TSSK3: variants seen among roughly 807,000 people sequenced by gnomAD.
The protein encoded by TSSK3 is testis-specific serine/threonine-protein kinase 3.
TSSK3 carries 16 observed loss-of-function variants against 18.9 expected under a neutral mutation model. The ratio of observed to expected loss-of-function variants is 0.85; its 90% confidence interval spans 0.57 to 1.28. The LOEUF (loss-of-function observed/expected upper bound fraction) is 1.28, where lower values mean the gene tolerates loss of function less well. Ranked by LOEUF, TSSK3 falls within the 50% of genes most tolerant of loss-of-function variation. The probability of loss-of-function intolerance (pLI) is 0.00; values close to 1 mark genes in which losing one functional copy is unlikely to be tolerated. For missense variants in TSSK3, 345 were observed against 341.0 expected (o/e 1.01, Z -0.09); for synonymous variants, 146 against 133.9 (o/e 1.09, Z -0.62).
rs770319759 is a variant in TSSK3, at chr1:32,364,083, G to A, written c.634G>A (p.Asp212Asn). ...VMLCASLPFD[D>N]TDIPKMLWQQ... ...GCTCTGTGCCAGCCTACCTTTTGACGACACAGACATCCCCAAGATGCTGTG... is the reference window on the plus strand; with the variant it reads ...GCTCTGTGCCAGCCTACCTTTTGACAACACAGACATCCCCAAGATGCTGTG... The change falls in exon 2 of 2, where the codon GAC (aspartate) becomes AAC (asparagine). Residue 212 changes from aspartate (D) to asparagine (N), a missense_variant. By Grantham distance (23) the Asp-to-Asn change is conservative. Coordinates refer to ENST00000373534, the MANE Select transcript of TSSK3 (RefSeq NM_052841.4). 6.2e-6 allele frequency: 10 copies of A among 1,614,110 alleles called. No individual in the cohort carries two copies. Among genetic ancestry groups the A allele is most frequent in the Admixed American group, 5.0e-5 (3 of 60,006 alleles).
rs1364924901 is a variant in TSSK3 at position 32,363,831 on chromosome 1, T to C, written c.382T>C (p.Cys128Arg). 1 of 1,614,072 alleles carries C rather than the reference T, an allele frequency of 6.2e-7. No homozygotes were observed. The highest frequency in any genetic ancestry group is 8.5e-7 in the Non-Finnish European group (1 of 1,180,046). The stretch of plus-strand genomic sequence containing the variant: ...TGAGGCCATCCGCTACTGCCATGGC[T>C]GTGGTGTGGCCCACCGGGACCTCAA... ...MVEAIRYCHG[C>R]GVAHRDLKCE... The change falls in exon 2 of 2, where the codon TGT (cysteine) becomes CGT (arginine). Residue 128 changes from cysteine (C) to arginine (R), a missense_variant. Physicochemically the swap from Cys to Arg is radical, Grantham distance 180. Coordinates refer to ENST00000373534, the MANE Select transcript of TSSK3 (RefSeq NM_052841.4).
At chr1:32,362,883 C>G in intron 1 of TSSK3, 37 bp downstream of exon 1, 1 of 1,610,782 alleles carries the variant, frequency 6.2e-7, no homozygotes, top group Middle Eastern at 1.7e-4. Flanking sequence ...GGAGGGAGGA[C>G]TGGCTGAGGT....
Position 32,364,052 on chromosome 1 carries a change from T to C in TSSK3, c.603T>C (p.Tyr201=). The C allele has an allele frequency of 1.9e-6, 3 of 1,614,262 alleles. No homozygotes were observed. The highest frequency in any genetic ancestry group is 2.2e-5 in the East Asian group (1 of 44,888). Residue 201 remains tyrosine (Y), a synonymous_variant, in exon 2 of 2, where the codon TAT becomes TAC. Transcript: ENST00000373534. ...TCTGGAGCATGGGTGTGGTCCTGTA[T>C]GTCATGCTCTGTGCCAGCCTACCTT... ...GDVWSMGVVL[Y]VMLCASLPFD...
rs913118038 is a variant in TSSK3 at position 32,362,732 on chromosome 1, C to T, written c.31C>T (p.Gln11Ter). Residue 11 changes from glutamine to a stop codon, truncating the protein, a stop_gained, in exon 1 of 2, where the codon CAG (glutamine) becomes TAG (stop). Coordinates refer to ENST00000373534, the MANE Select transcript of TSSK3 (RefSeq NM_052841.4). LOFTEE classifies it high-confidence loss of function. Reference sequence around the variant, plus strand: ...GGACTTTCTGCTCTCCAATGGGTACCAGCTGGGCAAGACCATTGGGGAAGG... The same window carrying T: ...GGACTTTCTGCTCTCCAATGGGTACTAGCTGGGCAAGACCATTGGGGAAGG... MEDFLLSNGY[Q>*]LGKTIGEGTY... The T allele has an allele frequency of 6.2e-7, 1 of 1,614,136 alleles. No homozygotes were observed. The highest frequency in any genetic ancestry group is 1.3e-5 in the African/African-American group (1 of 75,032).
In TSSK3 at chr1:32,362,632, T is replaced by G; in HGVS notation, c.-70T>G. The G allele has an allele frequency of 8.3e-6, 13 of 1,568,836 alleles. No homozygotes were observed. The highest frequency in any genetic ancestry group is 1.1e-5 in the Non-Finnish European group (13 of 1,150,468). On this transcript the variant is annotated 5_prime_UTR_variant, in exon 1 of 2. The change abolishes an upstream ATG in the 5' untranslated region. Coordinates refer to ENST00000373534, the MANE Select transcript of TSSK3 (RefSeq NM_052841.4). ...GAGAAAAGGAGCAGGCCAAGGGCGATGGTGGAGTAGAGCTGCCTCTCAGAG... is the reference window on the plus strand; with the variant it reads ...GAGAAAAGGAGCAGGCCAAGGGCGAGGGTGGAGTAGAGCTGCCTCTCAGAG...
rs1641727893 is a variant in TSSK3, at chr1:32,362,756, G to C, written c.55G>C (p.Gly19Arg). ...GYQLGKTIGE[G>R]TYSKVKEAFS... is the part of the protein sequence containing the mutation. ...CCAGCTGGGCAAGACCATTGGGGAA[G>C]GGACCTACTCAAAAGTCAAAGAAGC... The change falls in exon 1 of 2, where the codon GGG (glycine) becomes CGG (arginine). Residue 19 changes from glycine to arginine, a missense_variant. Transcript: ENST00000373534. 2.5e-6 allele frequency: 4 copies of C among 1,614,136 alleles called. No individual in the cohort carries two copies. The highest frequency in any genetic ancestry group is 1.3e-5 in the African/African-American group (1 of 75,040).
At position 32,363,944 on chromosome 1, in the gene TSSK3, G is replaced by A. The variant is rs371546975; in HGVS notation, c.495G>A (p.Leu165=). The A allele has an allele frequency of 2.5e-6, 4 of 1,614,272 alleles. No homozygotes were observed. In the African/African-American group the frequency reaches 5.3e-5, roughly 22 times the overall value. ...TGTTGCCCAAGTCACACCGGGAGCTGAGCCAGACCTTCTGCGGCAGTACAG... is the reference window on the plus strand; with the variant it reads ...TGTTGCCCAAGTCACACCGGGAGCTAAGCCAGACCTTCTGCGGCAGTACAG... ...AKVLPKSHRE[L]SQTFCGSTAY... The change falls in exon 2 of 2, where the codon CTG becomes CTA. Residue 165 remains leucine, a synonymous_variant. Coordinates refer to ENST00000373534, the MANE Select transcript of TSSK3 (RefSeq NM_052841.4).
rs771347064 is a variant in TSSK3 at position 32,362,655 on chromosome 1, G to A, written c.-47G>A. The stretch of plus-strand genomic sequence containing the variant: ...GATGGTGGAGTAGAGCTGCCTCTCA[G>A]AGGCAGCATGAGCTGAGAGGGTGAT... On this transcript the variant is annotated 5_prime_UTR_variant, in exon 1 of 2. Coordinates refer to ENST00000373534, the MANE Select transcript of TSSK3 (RefSeq NM_052841.4). 16 of 1,607,726 alleles carry A rather than the reference G, an allele frequency of 1.0e-5. No homozygotes were observed. The highest frequency in any genetic ancestry group is 2.7e-5 in the African/African-American group (2 of 74,432).
Position 32,364,092 on chromosome 1 carries a change from A to G in TSSK3, c.643A>G (p.Ile215Val). The G allele has an allele frequency of 1.9e-6, 3 of 1,614,204 alleles. No homozygotes were observed. Among genetic ancestry groups the G allele is most frequent in the Non-Finnish European group, 2.5e-6 (3 of 1,180,026 alleles). The change falls in exon 2 of 2, where the codon ATC becomes GTC. Residue 215 changes from isoleucine to valine, a missense_variant. Ile to Val is a conservative substitution (Grantham distance 29). Transcript: ENST00000373534. ...CAGCCTACCTTTTGACGACACAGAC[A>G]TCCCCAAGATGCTGTGGCAGCAGCA... ...CASLPFDDTD[I>V]PKMLWQQQKG...
rs1049840797 is a variant in TSSK3, at chr1:32,364,122, G to C, written c.673G>C (p.Gly225Arg). 2 of 1,614,098 alleles carry C rather than the reference G, an allele frequency of 1.2e-6. No individual in the cohort carries two copies. The highest frequency in any genetic ancestry group is 2.2e-5 in the East Asian group (1 of 44,886). Residue 225 changes from glycine (G) to arginine (R), a missense_variant, in exon 2 of 2, where the codon GGG (glycine) becomes CGG (arginine). Coordinates refer to ENST00000373534, the MANE Select transcript of TSSK3 (RefSeq NM_052841.4). ...CAAGATGCTGTGGCAGCAGCAGAAG[G>C]GGGTGTCCTTCCCCACTCATCTGAG... ...IPKMLWQQQKGVSFPTHLSIS... is the reference protein window; with the variant it reads ...IPKMLWQQQKRVSFPTHLSIS...
chr1:32,362,991 G>A, intron 1 of TSSK3, 145 bp downstream of exon 1: 2 of 911,350 alleles, frequency 2.2e-6, no homozygotes, highest in Non-Finnish European at 3.5e-6. Context: ...CTCTGGAGTG[G>A]GTCAGTGGGG....
At chr1:32,363,044 G>A (rs1035565697) in intron 1 of TSSK3, 198 bp downstream of exon 1, 1 of 602,504 alleles carries the variant, frequency 1.7e-6, no homozygotes, top group African/African-American at 1.8e-5. Flanking sequence ...CACCCCCCCA[G>A]AATGCAAGAT....
intron 1 of TSSK3, 66 bp downstream of exon 1, chr1:32,362,912 G>A: frequency 3.2e-6 from 5 of 1,563,466 alleles, no homozygotes; most frequent in East Asian, 2.2e-5. Context: ...GCTTCCTCCT[G>A]TTTGTTAGAA....
At position 32,363,825 on chromosome 1, in the gene TSSK3, C is replaced by T. The variant is rs1468310617; in HGVS notation, c.376C>T (p.His126Tyr). ...RQMVEAIRYC[H>Y]GCGVAHRDLK... ...GATGGTTGAGGCCATCCGCTACTGC[C>T]ATGGCTGTGGTGTGGCCCACCGGGA... Residue 126 changes from histidine (H) to tyrosine (Y), a missense_variant, in exon 2 of 2, where the codon CAT becomes TAT. His to Tyr is a moderately conservative substitution (Grantham distance 83). Transcript: ENST00000373534. The T allele has an allele frequency of 4.6e-5, 74 of 1,614,082 alleles. No individual in the cohort carries two copies. In the Admixed American group the frequency reaches 1.2e-3, roughly 27 times the overall value.
chr1:32,363,719 C>G lies in TSSK3; in HGVS notation c.270C>G (p.Leu90=), dbSNP rs749142392. 3 of 1,613,984 alleles carry G rather than the reference C, an allele frequency of 1.9e-6. No individual in the cohort carries two copies. The highest frequency in any genetic ancestry group is 1.7e-6 in the Non-Finnish European group (2 of 1,179,968). Residue 90 remains leucine (L), a synonymous_variant, in exon 2 of 2, where the codon CTC becomes CTG. Transcript: ENST00000373534. ...GGAAAATCTGCCTGGTGATGGAGCT[C>G]GCTGAGGGAGGGGATGTCTTTGACT... The part of the protein sequence containing the change: ...ADGKICLVME[L]AEGGDVFDCV...
intron 1 of TSSK3, chr1:32,363,076 A>C (rs1641737111): frequency 3.8e-6 from 2 of 527,310 alleles, no homozygotes; most frequent in Non-Finnish European, 6.8e-6. Flanking sequence ...GAGGTGAAGG[A>C]TCCTCAGAGG....
Position 32,363,815 on chromosome 1 carries a change from C to A in TSSK3, c.366C>A (p.Ile122=). Residue 122 remains isoleucine (I), a synonymous_variant, in exon 2 of 2, where the codon ATC becomes ATA. Coordinates refer to ENST00000373534, the MANE Select transcript of TSSK3 (RefSeq NM_052841.4). ...KALFRQMVEA[I]RYCHGCGVAH... ...TCTTCCGTCAGATGGTTGAGGCCAT[C>A]CGCTACTGCCATGGCTGTGGTGTGG... 6.2e-7 allele frequency: 1 copy of A among 1,614,238 alleles called. No homozygotes were observed. The highest frequency in any genetic ancestry group is 8.5e-7 in the Non-Finnish European group (1 of 1,180,048).
chr1:32,362,669 T>TAGGAA lies in TSSK3; in HGVS notation c.-33_-32insAGGAA. 6.2e-7 allele frequency: 1 copy of TAGGAA among 1,612,574 alleles called. No homozygotes were observed. Among genetic ancestry groups the TAGGAA allele is most frequent in the Non-Finnish European group, 8.5e-7 (1 of 1,179,194 alleles). On this transcript the variant is annotated 5_prime_UTR_variant, in exon 1 of 2. It removes the in-frame stop codon of an upstream open reading frame in the 5' UTR. Coordinates refer to ENST00000373534, the MANE Select transcript of TSSK3 (RefSeq NM_052841.4). ...GCTGCCTCTCAGAGGCAGCATGAGC[T>TAGGAA]GAGAGGGTGATAGGAAGGCGGCGCT...
In TSSK3 at chr1:32,363,590, CT is replaced by C; in HGVS notation, c.146-4del. The C allele has an allele frequency of 1.2e-6, 2 of 1,604,962 alleles. No individual in the cohort carries two copies. The highest frequency in any genetic ancestry group is 1.7e-6 in the Non-Finnish European group (2 of 1,173,620). ...AGCCCATCTCTCCTCCCCTTACTTC[CT>C]CAGAGTTTATCCAGAGATTCCTCCC... is the stretch of plus-strand genomic sequence containing the variant. On this transcript the variant is annotated splice_region_variant and splice_polypyrimidine_tract_variant and intron_variant, in intron 1 of 1. Coordinates refer to ENST00000373534, the MANE Select transcript of TSSK3 (RefSeq NM_052841.4).
Sources: gnomAD v4.1 joint callset for allele counts on GRCh38, gnomAD v4.1.1 for gene constraint, MANE v1.5 for transcripts, NCBI Gene and HGNC (gene_info 2026-07-23, HGNC 2026-07-21) for gene names.